Variants in JAM2 observed in about 807,000 individuals in gnomAD.
JAM2 encodes junctional adhesion molecule 2.
JAM2 carries 17 observed loss-of-function variants against 42.0 expected under a neutral mutation model. That is an observed-to-expected ratio of 0.40 (90% CI 0.28 to 0.61). JAM2 has a LOEUF of 0.61. Ranked by LOEUF, JAM2 falls within the 20% of genes least tolerant of loss-of-function variation. JAM2 has a pLI of 0.37. For missense variants in JAM2, 319 were observed against 358.3 expected, an observed-to-expected ratio of 0.89 and a Z score of 0.89; for synonymous variants, 118 against 128.6, an observed-to-expected ratio of 0.92 and a Z score of 0.56.
Position 25,641,595 on chromosome 21 carries a change from G to GT in JAM2, c.67+1718dup, listed in dbSNP as rs35512715. Among the ~76,000 whole-genome samples, 561 of 149,310 alleles carry GT rather than the reference G, an allele frequency of 3.8e-3. 1 individual carries two copies. The highest frequency in any genetic ancestry group is 0.01 in the African/African-American group (420 of 40,614). On this transcript the variant is annotated intron_variant, in intron 1 of 9. Coordinates refer to ENST00000480456, the MANE Select transcript of JAM2 (RefSeq NM_021219.4). Reference sequence around the variant, plus strand: ...AAGAGTGTTTTCTTTGTATGTGGGTGTTTTTTTTTTTATGTTTAAAACAAT... The same window carrying GT: ...AAGAGTGTTTTCTTTGTATGTGGGTGTTTTTTTTTTTTATGTTTAAAACAAT...
chr21:25,694,695 C>T (rs1223580666), intron 4 of JAM2, among the ~76,000 whole-genome samples: 1 of 151,886 alleles, frequency 6.6e-6, no homozygotes, highest in Non-Finnish European at 1.5e-5. Context: ...AAATAAAAAG[C>T]CATTTGTGTT....
intron 6 of JAM2, among the ~76,000 whole-genome samples, chr21:25,703,979 C>A (rs770495372): frequency 1.3e-5 from 2 of 151,746 alleles, no homozygotes; most frequent in African/African-American, 2.4e-5. Context: ...ACTTACAGAA[C>A]AAGACAATTT....
At chr21:25,664,036 A>G (rs753900382) in intron 1 of JAM2, among the ~76,000 whole-genome samples, 1 of 152,200 alleles carries the variant, frequency 6.6e-6, no homozygotes, top group Non-Finnish European at 1.5e-5. Flanking sequence ...AACTTAATGT[A>G]GGAAAGAACC....
intron 1 of JAM2, among the ~76,000 whole-genome samples, chr21:25,653,530 A>G (rs553540260): frequency 4.6e-5 from 7 of 152,332 alleles, no homozygotes; most frequent in Admixed American, 3.9e-4. Context: ...ATCATGGTAG[A>G]AGGCAAAGGG....
intron 1 of JAM2, chr21:25,643,404 ACTGGAACCTGATCCAGGCG>A (rs1237722051): frequency 4.6e-5 from 7 of 152,116 alleles, no homozygotes; most frequent in African/African-American, 1.7e-4. Flanking sequence ...TCAGATCTGG[ACTGGAACCTGATCCAGGCG>A]CTTAGCCTGA....
rs1366635037 is a variant in JAM2 at position 25,702,258 on chromosome 21, G to T, written c.686G>T (p.Arg229Leu). ...GGATATCGCAGGTGTCCTGGGAAAC[G>T]AATGCAAGTAGGTAAGCATGAAATA... ...SVGYRRCPGK[R>L]MQVDDLNISG... The change falls in exon 6 of 10, where the codon CGA (arginine) becomes CTA (leucine). Residue 229 changes from arginine (R) to leucine (L), a missense_variant. Coordinates refer to ENST00000480456, the MANE Select transcript of JAM2 (RefSeq NM_021219.4). The T allele has an allele frequency of 2.5e-6, 4 of 1,591,054 alleles. No homozygotes were observed. Among genetic ancestry groups the T allele is most frequent in the East Asian group, 2.2e-5 (1 of 44,590 alleles).
At chr21:25,689,647 T>C (rs2033832458) in intron 2 of JAM2, among the ~76,000 whole-genome samples, 1 of 152,162 alleles carries the variant, frequency 6.6e-6, no homozygotes, top group African/African-American at 2.4e-5. Context: ...AAACTCAAAC[T>C]TGATAACCAG....
At chr21:25,696,432 GA>G (rs2034037027) in intron 4 of JAM2, among the ~76,000 whole-genome samples, 1 of 152,034 alleles carries the variant, frequency 6.6e-6, no homozygotes, top group South Asian at 2.1e-4. Context: ...GAGGGAGAGG[GA>G]GCCCCCTTCC....
intron 4 of JAM2, among the ~76,000 whole-genome samples, chr21:25,697,126 T>C (rs1277419035): frequency 6.6e-6 from 1 of 151,570 alleles, no homozygotes; most frequent in African/African-American, 2.4e-5. Context: ...ATTACAGGCA[T>C]AAGCCACTAC....
chr21:25,670,066 C>G (rs2033320878), intron 1 of JAM2, among the ~76,000 whole-genome samples: 1 of 152,182 alleles, frequency 6.6e-6, no homozygotes, highest in African/African-American at 2.4e-5. Flanking sequence ...TCTCTTCATG[C>G]TATGACAAAC....
At chr21:25,674,475 C>T in intron 1 of JAM2, among the ~76,000 whole-genome samples, 2 of 152,214 alleles carry the variant, frequency 1.3e-5, no homozygotes, top group Non-Finnish European at 2.9e-5. Flanking sequence ...ATATATCTGT[C>T]AAATGAGGAT....
At chr21:25,689,691 G>A (rs2033833635) in intron 2 of JAM2, among the ~76,000 whole-genome samples, 175 bp from the exon 3 acceptor site, 1 of 152,174 alleles carries the variant, frequency 6.6e-6, no homozygotes, top group Non-Finnish European at 1.5e-5. Flanking sequence ...GTTACTATGT[G>A]GAAGAGCTAG....
At chr21:25,708,957 A>C (rs1435610813) in intron 7 of JAM2, among the ~76,000 whole-genome samples, 1 of 152,124 alleles carries the variant, frequency 6.6e-6, no homozygotes, top group African/African-American at 2.4e-5. Flanking sequence ...CTGTGGACCA[A>C]ATCTGCCCTC....
intron 1 of JAM2, among the ~76,000 whole-genome samples, chr21:25,656,275 C>T (rs557812314): frequency 6.6e-6 from 1 of 152,230 alleles, no homozygotes; most frequent in East Asian, 1.9e-4. Flanking sequence ...TCCTCTTGTC[C>T]ACCCCCAGGC....
At chr21:25,652,441 A>T (rs995756427) in intron 1 of JAM2, among the ~76,000 whole-genome samples, 2 of 152,188 alleles carry the variant, frequency 1.3e-5, no homozygotes, top group Non-Finnish European at 1.5e-5. Context: ...ATATCAAATT[A>T]GTGATATAAC....
chr21:25,662,002 T>A (rs2033101949), intron 1 of JAM2, among the ~76,000 whole-genome samples: 2 of 152,180 alleles, frequency 1.3e-5, no homozygotes, highest in Non-Finnish European at 2.9e-5. Flanking sequence ...TTAAGTATTT[T>A]TTTTCCTTTA....
chr21:25,712,409 G>T, intron 9 of JAM2, 27 bp downstream of exon 9: 1 of 1,489,656 alleles, frequency 6.7e-7, no homozygotes, highest in South Asian at 1.2e-5. Flanking sequence ...CATATTTATA[G>T]AATGAATATG....
At chr21:25,692,987 A>AT (rs1451248879) in intron 3 of JAM2, among the ~76,000 whole-genome samples, 6 of 152,226 alleles carry the variant, frequency 3.9e-5, no homozygotes, top group African/African-American at 1.4e-4. Flanking sequence ...TCTTGTTACT[A>AT]TAAGGTATAT....
At chr21:25,668,882 T>A (rs1232998482) in intron 1 of JAM2, among the ~76,000 whole-genome samples, 2 of 151,992 alleles carry the variant, frequency 1.3e-5, no homozygotes, top group Non-Finnish European at 2.9e-5. Context: ...GTAGAAAGCG[T>A]GTTAAGAAGA....
Sources: allele counts gnomAD v4.1 joint callset (sites outside exome capture counted in the v4.1 genomes callset), GRCh38; gene constraint gnomAD v4.1.1; transcripts MANE v1.5; gene names NCBI Gene and HGNC (gene_info 2026-07-23, HGNC 2026-07-21).